ATXN2L: variants seen among roughly 807,000 people sequenced by gnomAD.
The protein encoded by ATXN2L is ataxin-2-like protein.
A neutral mutation model predicts 120.7 loss-of-function variants in ATXN2L; 24 were observed. The ratio of observed to expected loss-of-function variants is 0.20; its 90% CI spans 0.14 to 0.28. The LOEUF is 0.28. Ranked by LOEUF, ATXN2L falls within the 10% of genes least tolerant of loss-of-function variation. The pLI, the probability that ATXN2L is intolerant of heterozygous loss-of-function variation, is 1.00. For missense variants in ATXN2L, 1,312 were observed against 1,432.3 expected (o/e 0.92, Z 1.36); for synonymous variants, 653 against 568.1 (o/e 1.15, Z -2.13).
rs906699366 is a variant in ATXN2L, at chr16:28,826,687, T to G, written c.617-175T>G. On this transcript the variant is annotated intron_variant, in intron 5 of 21. Coordinates refer to ENST00000336783, the MANE Select transcript of ATXN2L (RefSeq NM_007245.4). ...GGAATCATAGTACTGATAGACTTTT[T>G]ATACTCTTCTTCTCTTGCCTCCCCA... 15 of 749,112 alleles carry G rather than the reference T, an allele frequency of 2.0e-5. No individual in the cohort carries two copies. The Admixed American group carries it at 5.0e-4, about 25-fold the overall frequency. 46.4% of individuals were successfully genotyped at this position (749,112 alleles called of 1,614,324 possible).
chr16:28,829,913 GC>G lies in ATXN2L; in HGVS notation c.892del (p.Gln298SerfsTer119). 6.2e-7 allele frequency: 1 copy of G among 1,614,250 alleles called. No homozygotes were observed. Among genetic ancestry groups the G allele is most frequent in the Non-Finnish European group, 8.5e-7 (1 of 1,180,050 alleles). Reference protein sequence around the residue: ...EEFRQRELRAAQLAREIESSP... With the variant: ...EEFRQRELRAXQLAREIESSP... ...GTTTCGTCAGCGAGAGCTGCGTGCGGCCCAGTTGGCTCGAGAGATTGAATCA... is the reference window on the plus strand; with the variant it reads ...GTTTCGTCAGCGAGAGCTGCGTGCGGCCAGTTGGCTCGAGAGATTGAATCA... On this transcript the variant is annotated frameshift_variant, in exon 8 of 22. Transcript: ENST00000336783. LOFTEE classifies it high-confidence loss of function.
chr16:28,836,547 G>C lies in ATXN2L; in HGVS notation c.*282G>C. 7 of 1,580,562 alleles carry C rather than the reference G, an allele frequency of 4.4e-6. No homozygotes were observed. Among genetic ancestry groups the C allele is most frequent in the Non-Finnish European group, 6.0e-6 (7 of 1,165,476 alleles). On this transcript the variant is annotated 3_prime_UTR_variant, in exon 22 of 22. Coordinates refer to ENST00000336783, the MANE Select transcript of ATXN2L (RefSeq NM_007245.4). ...GTGGGGGGCTGAGCTGGGCACATGA[G>C]TGAGGGCTCTGGCTTACTGGGAAAC...
chr16:28,833,428 T>C lies in ATXN2L; in HGVS notation c.1956-11T>C. 6.2e-7 allele frequency: 1 copy of C among 1,614,128 alleles called. No homozygotes were observed. Among genetic ancestry groups the C allele is most frequent in the Non-Finnish European group, 8.5e-7 (1 of 1,180,010 alleles). ...GCAAGCCGTGAAGATTTACTGTACT[T>C]TCTCTCACAGACAAGTAAAGAAATC... is the stretch of plus-strand genomic sequence containing the variant. On this transcript the variant is annotated splice_polypyrimidine_tract_variant and intron_variant, in intron 14 of 21. Coordinates refer to ENST00000336783, the MANE Select transcript of ATXN2L (RefSeq NM_007245.4).
rs1431951248 is a variant in ATXN2L at position 28,830,666 on chromosome 16, A to T, written c.1086A>T (p.Gly362=). The stretch of plus-strand genomic sequence containing the variant: ...AACGAGTCCGGGAAGGTCCCCGGGG[A>T]GGAGTTCGATGCAGCAGCTCTCGGG... ...LPQRVREGPR[G]GVRCSSSRGG... Residue 362 remains glycine (G), a synonymous_variant, in exon 9 of 22, where the codon GGA becomes GGT. Coordinates refer to ENST00000336783, the MANE Select transcript of ATXN2L (RefSeq NM_007245.4). 1 of 1,612,198 alleles carries T rather than the reference A, an allele frequency of 6.2e-7. No individual in the cohort carries two copies. The highest frequency in any genetic ancestry group is 8.5e-7 in the Non-Finnish European group (1 of 1,179,378).
At chr16:28,826,151 C>A in intron 4 of ATXN2L, 89 bp from the exon 5 acceptor site, 2 of 1,507,288 alleles carry the variant, frequency 1.3e-6, no homozygotes, top group Non-Finnish European at 1.8e-6. Flanking sequence ...TAAGAGAAAT[C>A]CAGTTCTATT....
At chr16:28,832,459 C>G in intron 11 of ATXN2L, 37 bp from the exon 12 acceptor site, 1 of 1,612,414 alleles carries the variant, frequency 6.2e-7, no homozygotes, top group Non-Finnish European at 8.5e-7. Flanking sequence ...TGGTTCTGGA[C>G]AGAAGGACCT....
chr16:28,835,468 A>G, intron 20 of ATXN2L, 69 bp downstream of exon 20: 1 of 1,611,334 alleles, frequency 6.2e-7, no homozygotes, highest in Non-Finnish European at 8.5e-7. Flanking sequence ...GGATAGAGCT[A>G]GGGGTCATTT....
chr16:28,824,163 A>G, intron 1 of ATXN2L: 2 of 1,021,648 alleles, frequency 2.0e-6, no homozygotes, highest in Non-Finnish European at 2.4e-6. Context: ...GTGCGCGTGG[A>G]TGCTCGGTCT....
chr16:28,825,421 C>T lies in ATXN2L; in HGVS notation c.336+19C>T, dbSNP rs762635413. On this transcript the variant is annotated intron_variant, in intron 2 of 21. Coordinates refer to ENST00000336783, the MANE Select transcript of ATXN2L (RefSeq NM_007245.4). ...GTCACCTGTGAGTGTCTTCTCCCAC[C>T]CTGTTTAAGATACATAGACCTAAAA... The T allele has an allele frequency of 2.5e-6, 4 of 1,612,432 alleles. No homozygotes were observed. Among genetic ancestry groups the T allele is most frequent in the Non-Finnish European group, 3.4e-6 (4 of 1,178,850 alleles).
At chr16:28,830,513 T>A in intron 8 of ATXN2L, 102 bp from the exon 9 acceptor site, 2 of 1,137,830 alleles carry the variant, frequency 1.8e-6, no homozygotes, top group Admixed American at 5.2e-5. Flanking sequence ...AGTGTGTGTA[T>A]GTTTGGGGGC....
intron 7 of ATXN2L, 69 bp from the exon 8 acceptor site, chr16:28,829,789 A>C (rs2053677172): frequency 6.6e-7 from 1 of 1,524,510 alleles, no homozygotes; most frequent in African/African-American, 1.4e-5. Flanking sequence ...ACTTGTTGAA[A>C]TGTTTTTCCT....
chr16:28,823,624 G>T (rs1048144666), intron 1 of ATXN2L, 66 bp downstream of exon 1: 3 of 1,258,600 alleles, frequency 2.4e-6, no homozygotes, highest in Admixed American at 8.5e-5. Flanking sequence ...GGTTCCGGTG[G>T]GGCGGACCCC....
At chr16:28,827,528 T>A (rs1002794381) in intron 6 of ATXN2L, among the ~76,000 whole-genome samples, 4 of 152,098 alleles carry the variant, frequency 2.6e-5, no homozygotes, top group African/African-American at 7.2e-5. Context: ...AAGTATAGAT[T>A]AATGTGTAGG....
chr16:28,824,935 G>A (rs1239881977), intron 1 of ATXN2L, among the ~76,000 whole-genome samples: 4 of 152,046 alleles, frequency 2.6e-5, no homozygotes, highest in Non-Finnish European at 5.9e-5. Flanking sequence ...TTGGCCGGGC[G>A]CAGTGGCTCA....
Position 28,836,031 on chromosome 16 carries a change from G to A in ATXN2L, c.2994G>A (p.Gly998=). The change falls in exon 22 of 22, where the codon GGG becomes GGA. Residue 998 remains glycine (G), a synonymous_variant. Transcript: ENST00000336783. ...VMLLHPPQSH[G]GPPQGAVPQS... ...TGCTGCACCCACCCCAGAGTCATGG[G>A]GGGCCCCCCCAAGGCGCGGTGCCCC... The A allele has an allele frequency of 6.3e-7, 1 of 1,592,044 alleles. No individual in the cohort carries two copies. Among genetic ancestry groups the A allele is most frequent in the Non-Finnish European group, 8.6e-7 (1 of 1,167,400 alleles).
At chr16:28,833,754 C>T (rs897982079) in intron 15 of ATXN2L, 7 of 609,032 alleles carry the variant, frequency 1.1e-5, no homozygotes, top group South Asian at 4.1e-5. Context: ...GGTTAACAGG[C>T]TTTTCTTTGG....
In ATXN2L at chr16:28,832,246, C is replaced by T. The variant is rs1447455857; in HGVS notation, c.1363C>T (p.Pro455Ser). ...CCCGCGTTCTCCCAAGTCTGCTGCCCCTGCCCCAATCTCAGCTTCCTGTCC... is the reference window on the plus strand; with the variant it reads ...CCCGCGTTCTCCCAAGTCTGCTGCCTCTGCCCCAATCTCAGCTTCCTGTCC... ...YPPRSPKSAA[P>S]APISASCPEP... Residue 455 changes from proline to serine, a missense_variant, in exon 11 of 22, where the codon CCT becomes TCT. Physicochemically the swap from Pro to Ser is moderately conservative, Grantham distance 74. Coordinates refer to ENST00000336783, the MANE Select transcript of ATXN2L (RefSeq NM_007245.4). 6 of 1,614,048 alleles carry T rather than the reference C, an allele frequency of 3.7e-6. No individual in the cohort carries two copies. Among genetic ancestry groups the T allele is most frequent in the African/African-American group, 2.7e-5 (2 of 74,904 alleles).
rs368728406 is a variant in ATXN2L, at chr16:28,824,230, A to G, written c.299+672A>G. The G allele has an allele frequency of 7.0e-5, 77 of 1,095,788 alleles. 3 individuals carry two copies. The Middle Eastern group carries it at 1.3e-3, about 19-fold the overall frequency. The allele number at this position is 1,095,788 out of a possible 1,614,324, so 67.9% of individuals were successfully genotyped here. On this transcript the variant is annotated intron_variant, in intron 1 of 21. Coordinates refer to ENST00000336783, the MANE Select transcript of ATXN2L (RefSeq NM_007245.4). ...ACCTAGGGCAGGGACTAGTTCGTGG[A>G]GGGGCTCGTCTGGTGGCAGTGCATG...
intron 6 of ATXN2L, among the ~76,000 whole-genome samples, chr16:28,827,368 G>A (rs1037731796): frequency 2.0e-5 from 3 of 151,260 alleles, no homozygotes; most frequent in Admixed American, 6.6e-5. Context: ...CAGGGAGGTC[G>A]AGGCTACAGT....
Sources: allele counts gnomAD v4.1 joint callset (sites outside exome capture counted in the v4.1 genomes callset), GRCh38; gene constraint gnomAD v4.1.1; transcripts MANE v1.5; gene names NCBI Gene and HGNC (gene_info 2026-07-23, HGNC 2026-07-21).